Variants in ARHGAP42 observed in about 807,000 individuals in gnomAD.
ARHGAP42 encodes the protein Rho GTPase activating protein 42, also known as rho GTPase-activating protein 42.
Under a neutral mutation model 125.0 loss-of-function variants are expected in ARHGAP42, and 63 were observed. That is an observed-to-expected ratio of 0.50 (90% CI 0.41 to 0.62). The LOEUF (loss-of-function observed/expected upper bound fraction) is 0.62. Among genes scored for constraint, ARHGAP42 ranks in the 20% least tolerant of loss-of-function variants. ARHGAP42 has a pLI of 0.00. For missense variants in ARHGAP42, 766 were observed against 1,024.2 expected, an observed-to-expected ratio of 0.75 and a Z score of 3.44; for synonymous variants, 339 against 351.0, an observed-to-expected ratio of 0.97 and a Z score of 0.38.
chr11:100,992,231 A>T lies in ARHGAP42; in HGVS notation c.*3430A>T. 1 of 1,479,290 alleles carries T rather than the reference A, an allele frequency of 6.8e-7. No homozygotes were observed. Among genetic ancestry groups the T allele is most frequent in the South Asian group, 1.4e-5 (1 of 72,412 alleles). The allele number at this position is 1,479,290 out of a possible 1,614,324, so 91.6% of individuals were successfully genotyped here. On this transcript the variant is annotated 3_prime_UTR_variant, in exon 24 of 24. Coordinates refer to ENST00000298815, the MANE Select transcript of ARHGAP42 (RefSeq NM_152432.4). ...CCCAACTAGACTTATACTTTGACTA[A>T]AGTCAGAGGCAGACCAATTTAGGGA... is the stretch of plus-strand genomic sequence containing the variant.
chr11:100,941,997 A>C, intron 9 of ARHGAP42, 113 bp downstream of exon 9: 1 of 808,224 alleles, frequency 1.2e-6, no homozygotes, highest in Non-Finnish European at 1.9e-6. Flanking sequence ...CATTTACAAA[A>C]AAATAGAAGG....
intron 3 of ARHGAP42, among the ~76,000 whole-genome samples, chr11:100,854,838 A>G (rs188269826): frequency 4.7e-4 from 72 of 152,296 alleles, no homozygotes; most frequent in African/African-American, 1.7e-3. Context: ...GGCAGAGAAG[A>G]GATGCTTGCT....
chr11:100,944,555 C>G (rs12417366), intron 10 of ARHGAP42, among the ~76,000 whole-genome samples: 7,518 of 151,920 alleles, frequency 0.049, 324 homozygotes, highest in East Asian at 0.25. Flanking sequence ...TGCTCATAAA[C>G]TACAGCCTAT....
At chr11:100,741,960 T>C (rs1273592359) in intron 1 of ARHGAP42, among the ~76,000 whole-genome samples, 1 of 152,140 alleles carries the variant, frequency 6.6e-6, no homozygotes, top group Non-Finnish European at 1.5e-5. Flanking sequence ...TTTTTCGGCT[T>C]TTTCAATAAA....
rs563570894 is a variant in ARHGAP42 at position 100,963,202 on chromosome 11, C to T, written c.1444+735C>T. Reference sequence around the variant, plus strand: ...TTTGGCAGACAGCAGGTGCTTCCATCAATCCCCTCTCCCTCATATTTTATT... The same window carrying T: ...TTTGGCAGACAGCAGGTGCTTCCATTAATCCCCTCTCCCTCATATTTTATT... On this transcript the variant is annotated intron_variant, in intron 16 of 23. Coordinates refer to ENST00000298815, the MANE Select transcript of ARHGAP42 (RefSeq NM_152432.4). Among the ~76,000 whole-genome samples the T allele has an allele frequency of 3.3e-5, 5 of 152,330 alleles. No individual in the cohort carries two copies. The East Asian group carries it at 9.7e-4, about 29-fold the overall frequency.
At chr11:100,737,924 C>T (rs756713206) in intron 1 of ARHGAP42, among the ~76,000 whole-genome samples, 4 of 152,104 alleles carry the variant, frequency 2.6e-5, no homozygotes, top group Non-Finnish European at 4.4e-5. Flanking sequence ...AAAGTAGGCA[C>T]GTGGTCATTT....
chr11:100,772,731 C>A (rs554441135), intron 2 of ARHGAP42, among the ~76,000 whole-genome samples: 7 of 152,306 alleles, frequency 4.6e-5, no homozygotes, highest in African/African-American at 1.7e-4. Context: ...TTGTAGTATA[C>A]ACTTAGCCAG....
At chr11:100,943,662 T>A (rs1336925895) in intron 9 of ARHGAP42, 97 bp from the exon 10 acceptor site, 15 of 805,394 alleles carry the variant, frequency 1.9e-5, no homozygotes, top group Non-Finnish European at 2.4e-5. Flanking sequence ...TAACCTATAC[T>A]GTTAAACATT....
At chr11:100,814,147 C>T (rs1279122756) in intron 3 of ARHGAP42, among the ~76,000 whole-genome samples, 1 of 151,910 alleles carries the variant, frequency 6.6e-6, no homozygotes, top group East Asian at 1.9e-4. Flanking sequence ...GAGCAGAGGT[C>T]GCACCACTGC....
intron 3 of ARHGAP42, among the ~76,000 whole-genome samples, chr11:100,836,709 T>G (rs1340439902): frequency 4.9e-5 from 7 of 142,460 alleles, no homozygotes; most frequent in Non-Finnish European, 7.6e-5. Flanking sequence ...AGGTTTTTTG[T>G]TTTTTTTTTG....
intron 4 of ARHGAP42, among the ~76,000 whole-genome samples, chr11:100,880,297 CT>C (rs1460747779): frequency 6.6e-6 from 1 of 152,152 alleles, no homozygotes; most frequent in Non-Finnish European, 1.5e-5. Context: ...CTGTGTCATT[CT>C]TACGCCTTTG....
At chr11:100,793,712 A>C (rs1863631901) in intron 2 of ARHGAP42, among the ~76,000 whole-genome samples, 1 of 152,184 alleles carries the variant, frequency 6.6e-6, no homozygotes, top group African/African-American at 2.4e-5. Flanking sequence ...GAATTACTAA[A>C]CTTCTGGTCT....
rs77137111 is a variant in ARHGAP42, at chr11:100,938,304, C to T, written c.832+1972C>T. ...GCTTGCCCATCATCTAATGCGTCTT[C>T]TACAGTGCTTCCCGCAGATCCTTCT... On this transcript the variant is annotated intron_variant, in intron 8 of 23. Coordinates refer to ENST00000298815, the MANE Select transcript of ARHGAP42 (RefSeq NM_152432.4). Among the ~76,000 whole-genome samples the T allele has an allele frequency of 4.5e-3, 682 of 152,196 alleles. 2 individuals are homozygous for T. The highest frequency in any genetic ancestry group is 7.6e-3 in the African/African-American group (317 of 41,534).
intron 3 of ARHGAP42, among the ~76,000 whole-genome samples, chr11:100,830,388 T>G (rs1864636900): frequency 6.6e-6 from 1 of 152,180 alleles, no homozygotes; most frequent in South Asian, 2.1e-4. Context: ...TGGTGGCTGC[T>G]GTAATATGGA....
intron 17 of ARHGAP42, among the ~76,000 whole-genome samples, chr11:100,968,712 C>A (rs1858162315): frequency 6.6e-6 from 1 of 152,022 alleles, no homozygotes. Flanking sequence ...ATTTGAGTTA[C>A]CATCTGGTAT....
intron 10 of ARHGAP42, among the ~76,000 whole-genome samples, chr11:100,947,159 C>CT (rs1443473249): frequency 7.2e-5 from 11 of 151,816 alleles, no homozygotes; most frequent in Non-Finnish European, 1.3e-4. Flanking sequence ...TTTTACATAT[C>CT]TTTTTTCAAA....
chr11:100,921,449 T>A, intron 5 of ARHGAP42, 45 bp from the exon 6 acceptor site: 2 of 1,369,472 alleles, frequency 1.5e-6, no homozygotes, highest in South Asian at 1.3e-5. Flanking sequence ...TGAGTCCCTC[T>A]CTATGTAGAA....
chr11:100,785,373 T>C (rs1047986070), intron 2 of ARHGAP42, among the ~76,000 whole-genome samples: 1 of 152,166 alleles, frequency 6.6e-6, no homozygotes, highest in Non-Finnish European at 1.5e-5. Context: ...AGAATTCTTT[T>C]TAGATAACCA....
intron 3 of ARHGAP42, among the ~76,000 whole-genome samples, chr11:100,799,604 T>G (rs2135040326): frequency 6.6e-6 from 1 of 152,258 alleles, no homozygotes; most frequent in East Asian, 1.9e-4. Flanking sequence ...AAATTAAGAA[T>G]TAGAAGAGTA....
Sources: gnomAD v4.1 joint callset for allele counts (sites outside exome capture counted in the v4.1 genomes callset) on GRCh38, gnomAD v4.1.1 for gene constraint, MANE v1.5 for transcripts, NCBI Gene and HGNC (gene_info 2026-07-23, HGNC 2026-07-21) for gene names.